Variants in MYH7 observed in about 807,000 individuals in gnomAD.
MYH7 encodes myosin heavy chain 7.
A neutral mutation model predicts 225.4 loss-of-function variants in MYH7; 129 were observed. The observed-to-expected ratio is 0.57, with a 90% CI of 0.50 to 0.66. The LOEUF is 0.66. MYH7 is among the 30% of genes least tolerant of loss of function. The pLI is 0.00. For synonymous variants in MYH7, 971 were observed against 1,007.6 expected (o/e 0.96, Z 0.69); for missense variants, 1,649 against 2,517.0 (o/e 0.66, Z 7.38).
Position 23,416,874 on chromosome 14 carries a change from C to T in MYH7, c.4638G>A (p.Glu1546=). The T allele has an allele frequency of 6.2e-7, 1 of 1,614,200 alleles. No individual in the cohort carries two copies. The highest frequency in any genetic ancestry group is 8.5e-7 in the Non-Finnish European group (1 of 1,180,038). The change falls in exon 33 of 40, where the codon GAG becomes GAA. Residue 1546 remains glutamate, a synonymous_variant. Coordinates refer to ENST00000355349, the MANE Select transcript of MYH7 (RefSeq NM_000257.4). The stretch of plus-strand genomic sequence containing the variant: ...GCCCTGCACACACACACACCTCGGC[C>T]TCCTCCAGGGCTGACTGCAGCTCCA... ...EKMELQSALE[E]AEASLEHEEG... is the part of the protein sequence containing the mutation.
chr14:23,418,960 C>G (rs1892348182), intron 29 of MYH7, among the ~76,000 whole-genome samples: 1 of 152,226 alleles, frequency 6.6e-6, no homozygotes, highest in African/African-American at 2.4e-5. Flanking sequence ...TCCTCCTTCT[C>G]ACACCCTGCC....
chr14:23,428,527 C>T lies in MYH7; in HGVS notation c.1551G>A (p.Leu517=), dbSNP rs1353466701. The T allele has an allele frequency of 1.9e-6, 3 of 1,614,086 alleles. No individual in the cohort carries two copies. Among genetic ancestry groups the T allele is most frequent in the Non-Finnish European group, 2.5e-6 (3 of 1,180,048 alleles). ...EWTFIDFGMD[L]QACIDLIEKP... ...TCTCGATGAGGTCAATGCAGGCCTGCAGGTCCATGCCAAAGTCAATGAATG... is the reference window on the plus strand; with the variant it reads ...TCTCGATGAGGTCAATGCAGGCCTGTAGGTCCATGCCAAAGTCAATGAATG... The change falls in exon 15 of 40, where the codon CTG becomes CTA. Residue 517 remains leucine (L), a synonymous_variant. Coordinates refer to ENST00000355349, the MANE Select transcript of MYH7 (RefSeq NM_000257.4).
Position 23,420,239 on chromosome 14 carries a change from T to G in MYH7, c.3337-5A>C. ...CTCCAGCTCCTCGATGCGTGCCTGG[T>G]CAGACACAAAGGGCTCAGACCCACC... On this transcript the variant is annotated splice_polypyrimidine_tract_variant and splice_region_variant and intron_variant, in intron 26 of 39. Coordinates refer to ENST00000355349, the MANE Select transcript of MYH7 (RefSeq NM_000257.4). The G allele has an allele frequency of 6.2e-7, 1 of 1,609,698 alleles. No individual in the cohort carries two copies. Among genetic ancestry groups the G allele is most frequent in the Non-Finnish European group, 8.5e-7 (1 of 1,178,690 alleles).
At position 23,432,745 on chromosome 14, in the gene MYH7, C is replaced by T. The variant is rs138932714; in HGVS notation, c.396G>A (p.Pro132=). 23 of 1,613,974 alleles carry T rather than the reference C, an allele frequency of 1.4e-5. No homozygotes were observed. The highest frequency in any genetic ancestry group is 5.3e-5 in the African/African-American group (4 of 74,894). ...CAGCCACCACCTCAGGAGTGTACAC[C>T]GGCAGCCACTTGTAAGGGTTGACGG... is the stretch of plus-strand genomic sequence containing the variant. ...CVTVNPYKWL[P]VYTPEVVAAY... is the part of the protein sequence containing the mutation. Residue 132 remains proline, a synonymous_variant, in exon 5 of 40, where the codon CCG becomes CCA. Transcript: ENST00000355349.
Position 23,420,897 on chromosome 14 carries a change from G to C in MYH7, c.3336+61C>G, listed in dbSNP as rs970474905. 9 of 1,275,694 alleles carry C rather than the reference G, an allele frequency of 7.1e-6. No homozygotes were observed. The Admixed American group carries it at 8.5e-5, about 12-fold the overall frequency. 79.0% of individuals were successfully genotyped at this position (1,275,694 alleles called of 1,614,324 possible). ...TGTGAACAGGACACCCTAGAGGAGG[G>C]GGCAGGGGAAACAGAACCAGCCCAG... On this transcript the variant is annotated intron_variant, in intron 26 of 39. Transcript: ENST00000355349.
At chr14:23,426,633 A>G (rs1892702741) in intron 18 of MYH7, 144 bp downstream of exon 18, 2 of 750,372 alleles carry the variant, frequency 2.7e-6, no homozygotes, top group South Asian at 1.5e-5. Flanking sequence ...AGAGGGAGGT[A>G]CCCTGGGAGG....
At chr14:23,414,222 A>C in intron 37 of MYH7, 120 bp from the exon 38 acceptor site, 1 of 788,072 alleles carries the variant, frequency 1.3e-6, no homozygotes, top group Non-Finnish European at 2.1e-6. Flanking sequence ...ATCCTCACTA[A>C]ACACTTGAAT....
At position 23,421,093 on chromosome 14, in the gene MYH7, C is replaced by A. The variant is rs749773433; in HGVS notation, c.3246-45G>T. ...GTGAGGTAAGGGAGACTCGTGGGGC[C>A]TCAGGAGGGTCCACCAGTGGTTGAA... On this transcript the variant is annotated intron_variant, in intron 25 of 39. Coordinates refer to ENST00000355349, the MANE Select transcript of MYH7 (RefSeq NM_000257.4). 9.5e-5 allele frequency: 137 copies of A among 1,439,734 alleles called. 1 individual carries two copies. The East Asian group carries it at 3.1e-3, about 32-fold the overall frequency. The allele number at this position is 1,439,734 out of a possible 1,614,324, so 89.2% of individuals were successfully genotyped here. A position where few individuals can be genotyped will look rare whatever the true frequency, so the allele number is the denominator to read the frequency against.
Position 23,415,131 on chromosome 14 carries a change from C to G in MYH7, c.5423G>C (p.Gly1808Ala), listed in dbSNP as rs45594737. 1.9e-6 allele frequency: 3 copies of G among 1,614,168 alleles called. No individual in the cohort carries two copies. Among genetic ancestry groups the G allele is most frequent in the Non-Finnish European group, 2.5e-6 (3 of 1,180,044 alleles). Residue 1808 changes from glycine to alanine, a missense_variant, in exon 37 of 40, where the codon GGC becomes GCC. Gly to Ala is a moderately conservative substitution (Grantham distance 60). Coordinates refer to ENST00000355349, the MANE Select transcript of MYH7 (RefSeq NM_000257.4). This position sits in a 1 kb window ranked among gnomAD's most constrained non-coding sequence, Gnocchi z 6.3. ...TTCCAGCTTCTGCAGCTGCTTCTTG[C>G]CGCCCTTGAGGGCGATCTGCTCGGC... Reference protein sequence around the residue: ...DEAEQIALKGGKKQLQKLEAR... With the variant: ...DEAEQIALKGAKKQLQKLEAR...
At chr14:23,422,652 T>A (rs1235661645) in intron 24 of MYH7, among the ~76,000 whole-genome samples, 20 of 131,026 alleles carry the variant, frequency 1.5e-4, no homozygotes, top group East Asian at 6.2e-4. Context: ...TTTTTTTTTT[T>A]ATGGAGTCTC....
In MYH7 at chr14:23,429,289, C is replaced by G; in HGVS notation, c.1197G>C (p.Leu399=). Residue 399 remains leucine (L), a synonymous_variant, in exon 13 of 40, where the codon CTG becomes CTC. Coordinates refer to ENST00000355349, the MANE Select transcript of MYH7 (RefSeq NM_000257.4). Reference sequence around the variant, plus strand: ...TGCCCACTTTCACCCGAGGGTGGCACAGCCCCTTGAGCAGGTCGGCTGAGT... The same window carrying G: ...TGCCCACTTTCACCCGAGGGTGGCAGAGCCCCTTGAGCAGGTCGGCTGAGT... ...GLNSADLLKG[L]CHPRVKVGNE... is the part of the protein sequence containing the mutation. The G allele has an allele frequency of 6.2e-7, 1 of 1,614,224 alleles. No homozygotes were observed. The highest frequency in any genetic ancestry group is 1.1e-5 in the South Asian group (1 of 91,090).
At chr14:23,427,451 A>C in intron 16 of MYH7, 134 bp downstream of exon 16, 1 of 1,468,820 alleles carries the variant, frequency 6.8e-7, no homozygotes, top group East Asian at 2.4e-5. Context: ...TTCTTCACCC[A>C]GTTCCATCCC....
intron 17 of MYH7, 133 bp downstream of exon 17, chr14:23,427,107 G>A (rs1341661172): frequency 1.1e-6 from 1 of 932,256 alleles, no homozygotes; most frequent in Non-Finnish European, 1.7e-6. Context: ...AGAAGACAGA[G>A]TGAAAATGGT....
In MYH7 at chr14:23,412,846, T is replaced by C. The variant is rs1425715891; in HGVS notation, c.*8A>G. 6.2e-7 allele frequency: 1 copy of C among 1,614,076 alleles called. No homozygotes were observed. The highest frequency in any genetic ancestry group is 1.7e-5 in the Admixed American group (1 of 60,026). On this transcript the variant is annotated 3_prime_UTR_variant, in exon 40 of 40. Transcript: ENST00000355349. ...CTCCAGGGCTGAGCAGATCAAGATG[T>C]GGCAAAGCTACTCCTCATTCAAGCC...
At chr14:23,421,317 T>C (rs1333831664) in intron 25 of MYH7, among the ~76,000 whole-genome samples, 1 of 152,188 alleles carries the variant, frequency 6.6e-6, no homozygotes, top group Non-Finnish European at 1.5e-5. Flanking sequence ...TCTCATAATG[T>C]AAAATGAGGG....
At position 23,433,054 on chromosome 14, in the gene MYH7, T is replaced by C. The variant is rs1893012076; in HGVS notation, c.345+30A>G. Reference sequence around the variant, plus strand: ...GACATGGATGGAGCAAGAACAGAGATCCCAACGTAGGGCCAGGTGCAGCAC... The same window carrying C: ...GACATGGATGGAGCAAGAACAGAGACCCCAACGTAGGGCCAGGTGCAGCAC... On this transcript the variant is annotated intron_variant, in intron 4 of 39. Coordinates refer to ENST00000355349, the MANE Select transcript of MYH7 (RefSeq NM_000257.4). This position sits in a 1 kb window ranked among gnomAD's most constrained non-coding sequence, Gnocchi z 4.1. The C allele has an allele frequency of 6.2e-7, 1 of 1,613,530 alleles. No homozygotes were observed. Among genetic ancestry groups the C allele is most frequent in the Admixed American group, 1.7e-5 (1 of 59,954 alleles).
At position 23,415,903 on chromosome 14, in the gene MYH7, G is replaced by A; in HGVS notation, c.4954-71C>T. On this transcript the variant is annotated intron_variant, in intron 34 of 39. Coordinates refer to ENST00000355349, the MANE Select transcript of MYH7 (RefSeq NM_000257.4). The surrounding 1 kb of genome is among the most constrained non-coding windows in gnomAD (Gnocchi z 6.3). ...CCCTTCACTAAAGGCACCTGTCAGAGGTCCCTGCAGTAACCTAGGGGCAGG... is the reference window on the plus strand; with the variant it reads ...CCCTTCACTAAAGGCACCTGTCAGAAGTCCCTGCAGTAACCTAGGGGCAGG... 6 of 1,613,218 alleles carry A rather than the reference G, an allele frequency of 3.7e-6. No individual in the cohort carries two copies. Among genetic ancestry groups the A allele is most frequent in the Non-Finnish European group, 5.1e-6 (6 of 1,179,380 alleles).
chr14:23,417,629 G>C lies in MYH7; in HGVS notation c.4227C>G (p.Ala1409=), dbSNP rs148788346. 4 of 1,613,030 alleles carry C rather than the reference G, an allele frequency of 2.5e-6. No homozygotes were observed. Among genetic ancestry groups the C allele is most frequent in the Non-Finnish European group, 3.4e-6 (4 of 1,180,044 alleles). ...TGGTCTTCTCCAGCGAGGAGCACTT[G>C]GCATTAACAGCCTCCACGGCCTCCT... is the stretch of plus-strand genomic sequence containing the variant. ...EAEEAVEAVN[A]KCSSLEKTKH... is the part of the protein sequence containing the mutation. The change falls in exon 31 of 40, where the codon GCC becomes GCG. Residue 1409 remains alanine, a synonymous_variant. Transcript: ENST00000355349.
rs915141598 is a variant in MYH7 at position 23,427,498 on chromosome 14, G to A, written c.1888+87C>T. On this transcript the variant is annotated intron_variant, in intron 16 of 39. Transcript: ENST00000355349. Reference sequence around the variant, plus strand: ...AAACCTTGGGGTACAACCTGACATTGAAGTGGTGGGGTGTAGCAATTGACC... The same window carrying A: ...AAACCTTGGGGTACAACCTGACATTAAAGTGGTGGGGTGTAGCAATTGACC... The A allele has an allele frequency of 2.6e-6, 4 of 1,538,182 alleles. No homozygotes were observed. In the South Asian group the frequency reaches 3.5e-5, roughly 13 times the overall value.
Sources: allele counts gnomAD v4.1 joint callset (sites outside exome capture counted in the v4.1 genomes callset), GRCh38; gene constraint gnomAD v4.1.1; non-coding constraint Gnocchi (gnomAD v3.1); transcripts MANE v1.5; gene names NCBI Gene and HGNC (gene_info 2026-07-23, HGNC 2026-07-21).